Variants in CCDC60 observed in about 807,000 individuals in gnomAD.
CCDC60 encodes coiled-coil domain containing 60.
CCDC60 carries 54 observed loss-of-function variants against 63.5 expected under a neutral mutation model. That is an observed-to-expected ratio of 0.85 (90% CI 0.68 to 1.07). CCDC60 has a LOEUF of 1.07. Among genes scored for constraint, CCDC60 ranks in the 50% least tolerant of loss-of-function variants. CCDC60 has a pLI of 0.00. For missense variants in CCDC60, 651 were observed against 684.3 expected (o/e 0.95, Z 0.54); for synonymous variants, 206 against 238.8 (o/e 0.86, Z 1.27).
At chr12:119,379,537 GC>G (rs1955987766) in intron 1 of CCDC60, among the ~76,000 whole-genome samples, 1 of 152,216 alleles carries the variant, frequency 6.6e-6, no homozygotes, top group Non-Finnish European at 1.5e-5. Flanking sequence ...AATCCTCATA[GC>G]AACTCTGAAA....
At chr12:119,378,139 G>A (rs1251303129) in intron 1 of CCDC60, among the ~76,000 whole-genome samples, 1 of 152,178 alleles carries the variant, frequency 6.6e-6, no homozygotes, top group Non-Finnish European at 1.5e-5. Flanking sequence ...CAAAGAAGCT[G>A]GCCATCCCAC....
At position 119,462,619 on chromosome 12, in the gene CCDC60, G is replaced by A. The variant is rs1950876273; in HGVS notation, c.171-9375G>A. On this transcript the variant is annotated intron_variant, in intron 2 of 13. Coordinates refer to ENST00000327554, the MANE Select transcript of CCDC60 (RefSeq NM_178499.5). ...AAAAGGTAAATGACCGAGATGCAGA[G>A]GTAAAGACTGAGAATTTTTTTAGAG... Among the ~76,000 whole-genome samples, 3 of 151,970 alleles carry A rather than the reference G, an allele frequency of 2.0e-5. No homozygotes were observed. The South Asian group carries it at 6.2e-4, about 32-fold the overall frequency.
chr12:119,520,594 T>C (rs1425468780), intron 9 of CCDC60, among the ~76,000 whole-genome samples: 1 of 147,750 alleles, frequency 6.8e-6, no homozygotes, highest in Admixed American at 7.0e-5. Flanking sequence ...CAGGCTGGAG[T>C]GCAGTGGTGT....
At chr12:119,406,523 T>G (rs1593041416) in intron 1 of CCDC60, among the ~76,000 whole-genome samples, 1 of 152,164 alleles carries the variant, frequency 6.6e-6, no homozygotes, top group Non-Finnish European at 1.5e-5. Flanking sequence ...AAAAACACAA[T>G]GTGACAAGGT....
chr12:119,344,855 T>TCACACACACACACACACACA (rs1199779284), intron 1 of CCDC60, among the ~76,000 whole-genome samples: 1 of 114,798 alleles, frequency 8.7e-6, no homozygotes, highest in Non-Finnish European at 1.7e-5. Flanking sequence ...TCTCTCTCTC[T>TCACACACACACACACACACA]CACACACACA....
intron 1 of CCDC60, among the ~76,000 whole-genome samples, chr12:119,364,085 C>T (rs1955817096): frequency 6.6e-6 from 1 of 152,170 alleles, no homozygotes; most frequent in Admixed American, 6.5e-5. Context: ...ACTGCCACAA[C>T]CTACTCAGAA....
chr12:119,502,625 G>T (rs1053040353), intron 6 of CCDC60, among the ~76,000 whole-genome samples: 19 of 152,110 alleles, frequency 1.2e-4, no homozygotes, highest in Non-Finnish European at 5.9e-5. Context: ...GGCTAGGATG[G>T]TTAATTAAAT....
intron 8 of CCDC60, among the ~76,000 whole-genome samples, chr12:119,519,467 ATTTT>A (rs60025828): frequency 1.0e-5 from 1 of 95,286 alleles, no homozygotes; most frequent in African/African-American, 3.7e-5. Context: ...ATATATATAT[ATTTT>A]TTTTTTTTTT....
At chr12:119,364,327 G>A (rs1201674432) in intron 1 of CCDC60, among the ~76,000 whole-genome samples, 1 of 152,084 alleles carries the variant, frequency 6.6e-6, no homozygotes, top group Non-Finnish European at 1.5e-5. Flanking sequence ...AAGATATAGA[G>A]CATTTTTATA....
intron 2 of CCDC60, among the ~76,000 whole-genome samples, chr12:119,444,754 G>A (rs1474525961): frequency 6.6e-6 from 1 of 152,186 alleles, no homozygotes; most frequent in Admixed American, 6.5e-5. Context: ...AACCCAGAGC[G>A]TTTGATTAAA....
At chr12:119,500,195 T>C (rs779918876) in intron 6 of CCDC60, 27 bp downstream of exon 6, 7 of 1,472,394 alleles carry the variant, frequency 4.8e-6, no homozygotes, top group Non-Finnish European at 6.6e-6. Context: ...GACTCAACCC[T>C]TTGGCTCCTA....
intron 1 of CCDC60, among the ~76,000 whole-genome samples, chr12:119,350,995 G>A (rs543613542): frequency 2.9e-4 from 44 of 152,260 alleles, no homozygotes; most frequent in Non-Finnish European, 5.3e-4. Context: ...GCACTTCCCA[G>A]CCTGCGTCTG....
At chr12:119,527,889 G>C (rs1329641747) in intron 11 of CCDC60, among the ~76,000 whole-genome samples, 1 of 151,432 alleles carries the variant, frequency 6.6e-6, no homozygotes, top group Admixed American at 6.6e-5. Flanking sequence ...CACCATGTTA[G>C]CCAGGATGGT....
chr12:119,460,080 C>T (rs1368118002), intron 2 of CCDC60, among the ~76,000 whole-genome samples: 2 of 135,946 alleles, frequency 1.5e-5, no homozygotes, highest in Non-Finnish European at 3.1e-5. Flanking sequence ...TAGATAGCAT[C>T]ACCTGAAGTA....
rs529025408 is a variant in CCDC60, at chr12:119,501,477, T to C, written c.648+1309T>C. Among the ~76,000 whole-genome samples the C allele has an allele frequency of 1.2e-4, 19 of 152,356 alleles. No homozygotes were observed. In the South Asian group the frequency reaches 3.9e-3, roughly 32 times the overall value. ...CTGGGTCTGTTTATTAAACATAGTT[T>C]ATTAAACATATAAACATCAATAGGT... On this transcript the variant is annotated intron_variant, in intron 6 of 13. Transcript: ENST00000327554.
At chr12:119,486,672 C>T (rs1355208402) in intron 4 of CCDC60, among the ~76,000 whole-genome samples, 1 of 152,136 alleles carries the variant, frequency 6.6e-6, no homozygotes, top group African/African-American at 2.4e-5. Context: ...TTTCCAAAGA[C>T]CTGGTGGATA....
intron 4 of CCDC60, among the ~76,000 whole-genome samples, chr12:119,487,276 T>C (rs1333126592): frequency 6.6e-6 from 1 of 151,632 alleles, no homozygotes; most frequent in Non-Finnish European, 1.5e-5. Context: ...AGCGGTATAT[T>C]ACCTAAAGGA....
At chr12:119,518,865 C>A (rs1207893196) in intron 8 of CCDC60, among the ~76,000 whole-genome samples, 1 of 152,152 alleles carries the variant, frequency 6.6e-6, no homozygotes, top group African/African-American at 2.4e-5. Context: ...TCCATAAGGT[C>A]TTCAAAGACA....
chr12:119,507,428 G>A (rs935537697), intron 7 of CCDC60, among the ~76,000 whole-genome samples: 29 of 145,872 alleles, frequency 2.0e-4, no homozygotes, highest in South Asian at 4.3e-4. Flanking sequence ...ATATATATAC[G>A]TGTATATATA....
Sources: gnomAD v4.1 joint callset for allele counts (sites outside exome capture counted in the v4.1 genomes callset) on GRCh38, gnomAD v4.1.1 for gene constraint, MANE v1.5 for transcripts, NCBI Gene and HGNC (gene_info 2026-07-23, HGNC 2026-07-21) for gene names.